The following CSNK2A1 variants were observed in gnomAD, a reference collection of about 807,000 sequenced individuals.
CSNK2A1 encodes the protein casein kinase II subunit alpha.
CSNK2A1 carries 10 observed loss-of-function variants against 62.9 expected under a neutral mutation model. That is an observed-to-expected ratio of 0.16 (90% CI 0.10 to 0.27). CSNK2A1 has a LOEUF of 0.27. CSNK2A1 is among the 10% of genes least tolerant of loss of function. The pLI is 1.00. For synonymous variants in CSNK2A1, 124 were observed against 167.8 expected (o/e 0.74, Z 2.02); for missense variants, 160 against 492.0 (o/e 0.33, Z 6.38).
Position 516,402 on chromosome 20 carries a change from G to A in CSNK2A1, c.-109-7742C>T, listed in dbSNP as rs77831263. On this transcript the variant is annotated intron_variant, in intron 2 of 13. Coordinates refer to ENST00000217244, the MANE Select transcript of CSNK2A1 (RefSeq NM_177559.3). ...AGTATCATGTCAATGAATTTTTCCC[G>A]ACTGAAGTAAGATCACATCGAAGCC... is the stretch of plus-strand genomic sequence containing the variant. Among the ~76,000 whole-genome samples, 1,321 of 152,184 alleles carry A rather than the reference G, an allele frequency of 8.7e-3. 20 individuals are homozygous for A. The highest frequency in any genetic ancestry group is 0.029 in the African/African-American group (1,212 of 41,504).
At chr20:513,554 C>T (rs1399812975) in intron 2 of CSNK2A1, among the ~76,000 whole-genome samples, 7 of 152,170 alleles carry the variant, frequency 4.6e-5, no homozygotes, top group Non-Finnish European at 4.4e-5. Context: ...GGCTAACTCC[C>T]AAGTATACAT....
At chr20:512,773 G>A (rs1161824715) in intron 2 of CSNK2A1, among the ~76,000 whole-genome samples, 2 of 152,148 alleles carry the variant, frequency 1.3e-5, no homozygotes, top group South Asian at 4.1e-4. Context: ...AGTAATTCAA[G>A]TACCAAAAGT....
rs555219052 is a variant in CSNK2A1 at position 508,962 on chromosome 20, T to C, written c.-109-302A>G. On this transcript the variant is annotated intron_variant, in intron 2 of 13. Transcript: ENST00000217244. Reference sequence around the variant, plus strand: ...AGAGAAAAATGGCATTGAGGATAGATACATCAGCATTACCACTAGTTATAT... The same window carrying C: ...AGAGAAAAATGGCATTGAGGATAGACACATCAGCATTACCACTAGTTATAT... Among the ~76,000 whole-genome samples the C allele has an allele frequency of 5.3e-5, 8 of 152,354 alleles. No individual in the cohort carries two copies. In the South Asian group the frequency reaches 1.7e-3, roughly 32 times the overall value.
In CSNK2A1 at chr20:499,748, G is replaced by T; in HGVS notation, c.315+85C>A. 1 of 1,240,756 alleles carries T rather than the reference G, an allele frequency of 8.1e-7. No individual in the cohort carries two copies. The highest frequency in any genetic ancestry group is 1.2e-6 in the Non-Finnish European group (1 of 847,250). The allele number at this position is 1,240,756 out of a possible 1,614,324, so 76.9% of individuals were successfully genotyped here. A position where few individuals can be genotyped will look rare whatever the true frequency, so the allele number is the denominator to read the frequency against. ...GCAGGACTTAATGATGAGGGTTGGG[G>T]GAGGGAACAAAAAGAGGCCAGTTGT... On this transcript the variant is annotated intron_variant, in intron 5 of 13. Transcript: ENST00000217244. This position sits in a 1 kb window ranked among gnomAD's most constrained non-coding sequence, Gnocchi z 4.2.
At chr20:514,245 G>C (rs1233039620) in intron 2 of CSNK2A1, among the ~76,000 whole-genome samples, 1 of 151,944 alleles carries the variant, frequency 6.6e-6, no homozygotes, top group African/African-American at 2.4e-5. Flanking sequence ...TTGGTAGGCT[G>C]AGATGGAAGG....
chr20:476,422 C>G lies in CSNK2A1; in HGVS notation c.*7539G>C, dbSNP rs2017850300. The G allele has an allele frequency of 6.6e-6, 1 of 152,180 alleles. No individual in the cohort carries two copies. Among genetic ancestry groups the G allele is most frequent in the African/African-American group, 2.4e-5 (1 of 41,404 alleles). The allele number at this position is 152,180 out of a possible 1,614,324, so 9.4% of individuals were successfully genotyped here. A position where few individuals can be genotyped will look rare whatever the true frequency, so the allele number is the denominator to read the frequency against. On this transcript the variant is annotated 3_prime_UTR_variant, in exon 14 of 14. Coordinates refer to ENST00000217244, the MANE Select transcript of CSNK2A1 (RefSeq NM_177559.3). ...TGCAGGCACACGTCACCAAGCCCAG[C>G]TAATTTTTGTATTTTTTAGTAGAAA...
chr20:481,274 G>C lies in CSNK2A1; in HGVS notation c.*2687C>G, dbSNP rs749050786. 2.0e-5 allele frequency: 3 copies of C among 152,046 alleles called. No homozygotes were observed. Among genetic ancestry groups the C allele is most frequent in the Non-Finnish European group, 4.4e-5 (3 of 68,006 alleles). 9.4% of individuals were successfully genotyped at this position (152,046 alleles called of 1,614,324 possible). A position where few individuals can be genotyped will look rare whatever the true frequency, so the allele number is the denominator to read the frequency against. On this transcript the variant is annotated 3_prime_UTR_variant, in exon 14 of 14. Coordinates refer to ENST00000217244, the MANE Select transcript of CSNK2A1 (RefSeq NM_177559.3). ...AAACTTAAAAAAAAGCAGAGGAAGA[G>C]GGGAGGGACCACTTCAAACAAAGTT...
intron 2 of CSNK2A1, among the ~76,000 whole-genome samples, chr20:521,813 G>A (rs1351161689): frequency 3.3e-5 from 5 of 152,118 alleles, no homozygotes; most frequent in African/African-American, 4.8e-5. Context: ...GGTCTCAAAC[G>A]TCTAGCCTCA....
chr20:543,694 G>A lies in CSNK2A1; in HGVS notation c.-249C>T, dbSNP rs1288177011. On this transcript the variant is annotated 5_prime_UTR_variant, in exon 1 of 14. Transcript: ENST00000217244. ...TACCTGTGGTGGAAGCGGCAGCGGC[G>A]GCGGCCGCTCTCCCCTCTGCTCACA... The A allele has an allele frequency of 5.0e-6, 2 of 398,218 alleles. No homozygotes were observed. Among genetic ancestry groups the A allele is most frequent in the Non-Finnish European group, 8.8e-6 (2 of 226,050 alleles). 24.7% of individuals were successfully genotyped at this position (398,218 alleles called of 1,614,324 possible). A position where few individuals can be genotyped will look rare whatever the true frequency, so the allele number is the denominator to read the frequency against.
In CSNK2A1 at chr20:473,595, T is replaced by C. The variant is rs754583422; in HGVS notation, c.*10366A>G. 2.6e-5 allele frequency: 4 copies of C among 152,204 alleles called. No individual in the cohort carries two copies. Among genetic ancestry groups the C allele is most frequent in the South Asian group, 2.1e-4 (1 of 4,826 alleles). The allele number at this position is 152,204 out of a possible 1,614,324, so 9.4% of individuals were successfully genotyped here. ...TGTGATCCTTTCACAGTAGCTGCCA[T>C]TGTCTTCTTCCAGATCTTGAGACAT... On this transcript the variant is annotated 3_prime_UTR_variant, in exon 14 of 14. Transcript: ENST00000217244.
In CSNK2A1 at chr20:476,340, C is replaced by T. The variant is rs62189976; in HGVS notation, c.*7621G>A. ...CTGACGTGATCTCAGCTCACTGTAA[C>T]CGCCACCTCCCAGGCTCAAGCAATT... On this transcript the variant is annotated 3_prime_UTR_variant, in exon 14 of 14. Coordinates refer to ENST00000217244, the MANE Select transcript of CSNK2A1 (RefSeq NM_177559.3). 3,438 of 152,412 alleles carry T rather than the reference C, an allele frequency of 0.023. 50 individuals are homozygous for T. The highest frequency in any genetic ancestry group is 0.038 in the Non-Finnish European group (2,567 of 68,096). 9.4% of individuals were successfully genotyped at this position (152,412 alleles called of 1,614,324 possible).
intron 3 of CSNK2A1, 119 bp downstream of exon 3, chr20:508,332 G>C (rs546767779): frequency 3.6e-5 from 38 of 1,070,084 alleles, no homozygotes; most frequent in Non-Finnish European, 4.6e-5. Flanking sequence ...CACAAATTGG[G>C]CTTTGATCCT....
At chr20:506,646 A>C (rs1223883486) in intron 3 of CSNK2A1, 1 of 152,200 alleles carries the variant, frequency 6.6e-6, no homozygotes, top group African/African-American at 2.4e-5. Flanking sequence ...TCCAATATGA[A>C]CCAAATCAAC....
rs2017851176 is a variant in CSNK2A1, at chr20:476,448, CAG to C, written c.*7511_*7512del. 1 of 151,286 alleles carries C rather than the reference CAG, an allele frequency of 6.6e-6. No individual in the cohort carries two copies. The highest frequency in any genetic ancestry group is 2.4e-5 in the African/African-American group (1 of 41,004). 9.4% of individuals were successfully genotyped at this position (151,286 alleles called of 1,614,324 possible). On this transcript the variant is annotated 3_prime_UTR_variant, in exon 14 of 14. Transcript: ENST00000217244. ...TAATTTTTGTATTTTTTAGTAGAAA[CAG>C]GGTGTCACCATGTTGTTCAGTCTGG...
At chr20:485,253 G>A (rs1447256451) in intron 13 of CSNK2A1, among the ~76,000 whole-genome samples, 3 of 149,986 alleles carry the variant, frequency 2.0e-5, no homozygotes, top group Non-Finnish European at 3.0e-5. Flanking sequence ...GTGCGATCTC[G>A]GCTCACTGCA....
chr20:487,692 A>T, intron 11 of CSNK2A1, 117 bp from the exon 12 acceptor site: 1 of 1,411,374 alleles, frequency 7.1e-7, no homozygotes, highest in Non-Finnish European at 9.7e-7. Flanking sequence ...AGGGATCCAA[A>T]CTCAAGAGGG....
chr20:505,978 C>A (rs1229218231), intron 3 of CSNK2A1: 1 of 151,162 alleles, frequency 6.6e-6, no homozygotes, highest in Non-Finnish European at 1.5e-5. Flanking sequence ...AGGTTCACGC[C>A]ATTCTCCTGC....
chr20:522,939 G>A (rs2018981863), intron 2 of CSNK2A1, among the ~76,000 whole-genome samples: 1 of 152,140 alleles, frequency 6.6e-6, no homozygotes, highest in South Asian at 2.1e-4. Flanking sequence ...GGCCTCCAGA[G>A]TTACTGGGAT....
At chr20:507,967 G>A (rs127316) in intron 3 of CSNK2A1, 152,872 of 152,962 alleles carry the variant, frequency 1, 76,391 homozygotes, top group Middle Eastern at 1. Context: ...CCTAGGGTAT[G>A]GCCTACGGCT....
Sources: allele counts gnomAD v4.1 joint callset (sites outside exome capture counted in the v4.1 genomes callset), GRCh38; gene constraint gnomAD v4.1.1; non-coding constraint Gnocchi (gnomAD v3.1); transcripts MANE v1.5; gene names NCBI Gene and HGNC (gene_info 2026-07-23, HGNC 2026-07-21).